FKBP5: variants seen among roughly 807,000 people sequenced by gnomAD.
FKBP5 encodes peptidyl-prolyl cis-trans isomerase FKBP5.
Under a neutral mutation model 50.5 loss-of-function variants are expected in FKBP5, and 23 were observed. That is an observed-to-expected ratio of 0.46 (90% CI 0.33 to 0.65). The LOEUF is 0.65. Among genes scored for constraint, FKBP5 ranks in the 30% least tolerant of loss-of-function variants. The pLI is 0.02. For missense variants in FKBP5, 411 were observed against 553.1 expected, an observed-to-expected ratio of 0.74 and a Z score of 2.58; for synonymous variants, 176 against 190.6, an observed-to-expected ratio of 0.92 and a Z score of 0.63.
chr6:35,681,087 T>C (rs936142383), intron 1 of FKBP5, among the ~76,000 whole-genome samples: 2 of 152,236 alleles, frequency 1.3e-5, no homozygotes. Context: ...ATTAAACCAC[T>C]GGTTAATTCC....
chr6:35,650,848 G>C (rs1237950867), intron 1 of FKBP5, among the ~76,000 whole-genome samples: 1 of 152,066 alleles, frequency 6.6e-6, no homozygotes, highest in Non-Finnish European at 1.5e-5. Context: ...GATTTTGGTG[G>C]GTGGGTGGGT....
At chr6:35,648,747 G>C (rs192049630) in intron 1 of FKBP5, among the ~76,000 whole-genome samples, 45 of 152,286 alleles carry the variant, frequency 3.0e-4, no homozygotes, top group African/African-American at 1.1e-3. Flanking sequence ...TCAGGAGTTT[G>C]AGACAAGCCT....
chr6:35,687,154 G>T (rs757465801), intron 1 of FKBP5, among the ~76,000 whole-genome samples: 3 of 152,080 alleles, frequency 2.0e-5, no homozygotes, highest in Non-Finnish European at 2.9e-5. Flanking sequence ...CTTAATCTCC[G>T]AAGTATAAAT....
intron 1 of FKBP5, among the ~76,000 whole-genome samples, chr6:35,644,597 T>C (rs1462708551): frequency 6.6e-6 from 1 of 152,190 alleles, no homozygotes; most frequent in Non-Finnish European, 1.5e-5. Flanking sequence ...ACATGAAAGA[T>C]CCAAATGTTT....
chr6:35,652,315 T>C (rs902109606), intron 1 of FKBP5, among the ~76,000 whole-genome samples: 9 of 152,332 alleles, frequency 5.9e-5, no homozygotes, highest in Non-Finnish European at 1.0e-4. Context: ...ACAGCAATTG[T>C]TCAGGGAATA....
chr6:35,698,506 G>A (rs1766122864), intron 2 of FKBP5, among the ~76,000 whole-genome samples: 1 of 151,738 alleles, frequency 6.6e-6, no homozygotes, highest in Non-Finnish European at 1.5e-5. Flanking sequence ...AATTAGCCGG[G>A]CTTGGTGGCA....
intron 1 of FKBP5, among the ~76,000 whole-genome samples, chr6:35,679,570 A>AC (rs1765613272): frequency 6.6e-6 from 1 of 152,382 alleles, no homozygotes; most frequent in African/African-American, 2.4e-5. Flanking sequence ...GCATACACAC[A>AC]CAACGGAATA....
intron 2 of FKBP5, among the ~76,000 whole-genome samples, chr6:35,639,665 T>G (rs1764421430): frequency 6.6e-6 from 1 of 152,176 alleles, no homozygotes; most frequent in South Asian, 2.1e-4. Flanking sequence ...GACAATAGGA[T>G]GTAAATCTAT....
At chr6:35,636,311 T>C (rs1764307919) in intron 3 of FKBP5, among the ~76,000 whole-genome samples, 1 of 152,238 alleles carries the variant, frequency 6.6e-6, no homozygotes, top group Non-Finnish European at 1.5e-5. Flanking sequence ...AAAAACATTG[T>C]CAGTTGTTTT....
At chr6:35,603,117 A>G (rs1292738986) in intron 5 of FKBP5, among the ~76,000 whole-genome samples, 1 of 152,218 alleles carries the variant, frequency 6.6e-6, no homozygotes, top group Admixed American at 6.5e-5. Context: ...TAAATTAGAT[A>G]CTGAATTAGA....
At chr6:35,606,771 T>C (rs957361798) in intron 5 of FKBP5, among the ~76,000 whole-genome samples, 7 of 150,436 alleles carry the variant, frequency 4.7e-5, no homozygotes, top group Middle Eastern at 3.5e-3. Context: ...GAATGGAAAT[T>C]AGTTCAGCTC....
intron 2 of FKBP5, among the ~76,000 whole-genome samples, chr6:35,718,131 G>C (rs1766544777): frequency 6.6e-6 from 1 of 152,122 alleles, no homozygotes; most frequent in East Asian, 1.9e-4. Flanking sequence ...GGGGCCTCTG[G>C]GGGCGGCATT....
intron 2 of FKBP5, among the ~76,000 whole-genome samples, chr6:35,637,928 CTTGT>C (rs1049342457): frequency 1.8e-4 from 28 of 152,110 alleles, no homozygotes; most frequent in African/African-American, 5.8e-4. Flanking sequence ...CTAGATTCTG[CTTGT>C]TTATTTTCAG....
At chr6:35,582,238 A>G in intron 8 of FKBP5, 4 of 985,424 alleles carry the variant, frequency 4.1e-6, no homozygotes, top group Non-Finnish European at 4.8e-6. Context: ...GGTCATTCAT[A>G]AGAACACGAA....
chr6:35,605,864 G>A (rs1333272543), intron 5 of FKBP5, among the ~76,000 whole-genome samples: 1 of 152,128 alleles, frequency 6.6e-6, no homozygotes, highest in East Asian at 1.9e-4. Context: ...AGAAATAAAA[G>A]GCATCCAAAT....
chr6:35,717,509 G>A (rs572635258), intron 2 of FKBP5, among the ~76,000 whole-genome samples: 25 of 152,344 alleles, frequency 1.6e-4, no homozygotes, highest in African/African-American at 6.0e-4. Context: ...ACATGCCCAC[G>A]TGCATGTCTG....
At chr6:35,652,937 T>C (rs1764850799) in intron 1 of FKBP5, among the ~76,000 whole-genome samples, 1 of 152,208 alleles carries the variant, frequency 6.6e-6, no homozygotes, top group Non-Finnish European at 1.5e-5. Context: ...TCTGTCCTTT[T>C]ATTTCTCAAG....
In FKBP5 at chr6:35,588,407, T is replaced by G. The variant is rs78190149; in HGVS notation, c.757-1290A>C. Among the ~76,000 whole-genome samples the G allele has an allele frequency of 9.6e-4, 146 of 152,246 alleles. 1 individual carries two copies. The highest frequency in any genetic ancestry group is 3.4e-3 in the African/African-American group (141 of 41,534). ...CTGCTTCCTAATAATGTAGCTCAAATTACTCAAAAACCTAGTTATGGTTCA... is the reference window on the plus strand; with the variant it reads ...CTGCTTCCTAATAATGTAGCTCAAAGTACTCAAAAACCTAGTTATGGTTCA... On this transcript the variant is annotated intron_variant, in intron 7 of 10. Transcript: ENST00000357266.
At chr6:35,596,149 G>A (rs1430992911) in intron 6 of FKBP5, among the ~76,000 whole-genome samples, 2 of 152,132 alleles carry the variant, frequency 1.3e-5, no homozygotes, top group African/African-American at 4.8e-5. Context: ...GAAGTCAGGC[G>A]TTTGAGACCA....
Sources: gnomAD v4.1 joint callset for allele counts (sites outside exome capture counted in the v4.1 genomes callset) on GRCh38, gnomAD v4.1.1 for gene constraint, MANE v1.5 for transcripts, NCBI Gene and HGNC (gene_info 2026-07-23, HGNC 2026-07-21) for gene names.